DOK5: variants seen among roughly 807,000 people sequenced by gnomAD.
The protein encoded by DOK5 is downstream of tyrosine kinase 5.
DOK5 carries 27 observed loss-of-function variants against 43.3 expected under a neutral mutation model. That is an observed-to-expected ratio of 0.62 (90% CI 0.46 to 0.86). The LOEUF is 0.86. Ranked by LOEUF, DOK5 falls within the 40% of genes least tolerant of loss-of-function variation. DOK5 has a pLI of 0.00. For missense variants in DOK5, 373 were observed against 392.9 expected (o/e 0.95, Z 0.43); for synonymous variants, 146 against 140.1 (o/e 1.04, Z -0.30).
Position 54,475,898 on chromosome 20 carries a change from A to T in DOK5, c.-49A>T. 6.2e-7 allele frequency: 1 copy of T among 1,605,632 alleles called. No individual in the cohort carries two copies. Among genetic ancestry groups the T allele is most frequent in the Non-Finnish European group, 8.5e-7 (1 of 1,176,286 alleles). On this transcript the variant is annotated 5_prime_UTR_variant, in exon 1 of 8. Coordinates refer to ENST00000262593, the MANE Select transcript of DOK5 (RefSeq NM_018431.5). This position sits in a 1 kb window ranked among gnomAD's most constrained non-coding sequence, Gnocchi z 4.2. ...CCTGCCCTCCACCCTCCCCAGAGCC[A>T]CTTCGGGTGCGCGCTCTTGGGTAAA...
intron 1 of DOK5, 55 bp downstream of exon 1, chr20:54,476,067 G>C: frequency 6.2e-7 from 1 of 1,604,052 alleles, no homozygotes; most frequent in East Asian, 2.2e-5. Flanking sequence ...TCTCTCTCTT[G>C]AGCCAGCATC....
chr20:54,538,920 C>G (rs1984045494), intron 1 of DOK5, among the ~76,000 whole-genome samples: 1 of 152,148 alleles, frequency 6.6e-6, no homozygotes, highest in South Asian at 2.1e-4. Flanking sequence ...ATGAAAAAAG[C>G]CAAATCGAAA....
At chr20:54,489,631 T>C (rs902024211) in intron 1 of DOK5, among the ~76,000 whole-genome samples, 4 of 152,198 alleles carry the variant, frequency 2.6e-5, no homozygotes. Context: ...GTAGGTGTTA[T>C]TTTATGCCCA....
chr20:54,476,370 C>A (rs1981426739), intron 1 of DOK5, among the ~76,000 whole-genome samples: 1 of 152,150 alleles, frequency 6.6e-6, no homozygotes, highest in African/African-American at 2.4e-5. Context: ...CCTCTTTTCC[C>A]ACTCGCCGCC....
intron 6 of DOK5, among the ~76,000 whole-genome samples, chr20:54,617,184 A>G (rs555059870): frequency 5.9e-5 from 9 of 152,294 alleles, no homozygotes; most frequent in African/African-American, 2.2e-4. Context: ...GCTGTTGGAC[A>G]GAGGCCACTC....
At chr20:54,528,682 C>T (rs774558788) in intron 1 of DOK5, among the ~76,000 whole-genome samples, 4 of 152,098 alleles carry the variant, frequency 2.6e-5, no homozygotes, top group Admixed American at 6.6e-5. Flanking sequence ...GGCACATTGC[C>T]GAGGGTTTTG....
chr20:54,531,114 A>G (rs1600683683), intron 1 of DOK5, among the ~76,000 whole-genome samples: 1 of 152,216 alleles, frequency 6.6e-6, no homozygotes, highest in East Asian at 1.9e-4. Context: ...GTTATTCACA[A>G]CTTACCAAGC....
At chr20:54,614,005 C>A (rs1986729032) in intron 6 of DOK5, among the ~76,000 whole-genome samples, 1 of 149,252 alleles carries the variant, frequency 6.7e-6, no homozygotes, top group Non-Finnish European at 1.5e-5. Context: ...AATATATATA[C>A]ATATATATAT....
intron 1 of DOK5, among the ~76,000 whole-genome samples, chr20:54,541,319 G>T (rs1324950270): frequency 2.0e-5 from 3 of 152,136 alleles, no homozygotes; most frequent in Non-Finnish European, 4.4e-5. Context: ...TCCCCGACCT[G>T]CGCCTTTCCT....
chr20:54,580,171 GA>G (rs1985592206), intron 2 of DOK5, among the ~76,000 whole-genome samples: 1 of 151,990 alleles, frequency 6.6e-6, no homozygotes, highest in South Asian at 2.1e-4. Context: ...AACTTTACAA[GA>G]AAAAAACAAG....
intron 2 of DOK5, among the ~76,000 whole-genome samples, chr20:54,564,512 T>C (rs1005586163): frequency 1.3e-5 from 2 of 152,184 alleles, no homozygotes; most frequent in African/African-American, 2.4e-5. Flanking sequence ...CAAGGACAAA[T>C]TTGTGTCTAT....
At chr20:54,486,518 A>G (rs1161179550) in intron 1 of DOK5, among the ~76,000 whole-genome samples, 4 of 152,092 alleles carry the variant, frequency 2.6e-5, no homozygotes, top group Non-Finnish European at 2.9e-5. Flanking sequence ...AATAATGTCT[A>G]TAACTACTAG....
intron 6 of DOK5, among the ~76,000 whole-genome samples, chr20:54,614,090 C>CA (rs1986731877): frequency 6.6e-6 from 1 of 151,292 alleles, no homozygotes. Context: ...AAAACAACAA[C>CA]AAAAAACCTG....
At chr20:54,521,560 G>A (rs565677898) in intron 1 of DOK5, among the ~76,000 whole-genome samples, 37 of 152,320 alleles carry the variant, frequency 2.4e-4, no homozygotes, top group Admixed American at 1.1e-3. Flanking sequence ...GGGGTGTGAT[G>A]TGAGGAGCTT....
In DOK5 at chr20:54,610,513, A is replaced by C; in HGVS notation, c.725A>C (p.Lys242Thr). The change falls in exon 6 of 8, where the codon AAA becomes ACA. Residue 242 changes from lysine to threonine, a missense_variant. Physicochemically the swap from Lys to Thr is moderately conservative, Grantham distance 78. Transcript: ENST00000262593. ...EQHERLLQSV[K>T]NSMLQMKMSE... ...CACGAGCGCTTGCTACAGAGTGTGA[A>C]AAACTCGATGGTACGTTTGGAATTT... The C allele has an allele frequency of 2.0e-6, 3 of 1,507,866 alleles. No homozygotes were observed. Among genetic ancestry groups the C allele is most frequent in the Non-Finnish European group, 2.7e-6 (3 of 1,125,030 alleles). The allele number at this position is 1,507,866 out of a possible 1,614,324, so 93.4% of individuals were successfully genotyped here. A position where few individuals can be genotyped will look rare whatever the true frequency, so the allele number is the denominator to read the frequency against.
intron 2 of DOK5, among the ~76,000 whole-genome samples, chr20:54,564,099 G>C (rs1454505912): frequency 1.3e-5 from 2 of 152,086 alleles, no homozygotes; most frequent in African/African-American, 4.8e-5. Context: ...CATTCATTGT[G>C]ATGAAAACAT....
chr20:54,521,225 T>C (rs1983383123), intron 1 of DOK5, among the ~76,000 whole-genome samples: 1 of 152,108 alleles, frequency 6.6e-6, no homozygotes, highest in Non-Finnish European at 1.5e-5. Context: ...ACATTTGCTG[T>C]TCTCTTTTTC....
chr20:54,528,113 C>T (rs1983639690), intron 1 of DOK5, among the ~76,000 whole-genome samples: 2 of 152,088 alleles, frequency 1.3e-5, no homozygotes, highest in African/African-American at 4.8e-5. Flanking sequence ...GAGGCTGAGG[C>T]AGGAGAATCA....
At chr20:54,499,135 GTT>G (rs1303426286) in intron 1 of DOK5, among the ~76,000 whole-genome samples, 11 of 152,212 alleles carry the variant, frequency 7.2e-5, no homozygotes, top group African/African-American at 2.7e-4. Flanking sequence ...ACTTGGGAAT[GTT>G]TAATTAATTC....
Sources: gnomAD v4.1 joint callset for allele counts (sites outside exome capture counted in the v4.1 genomes callset) on GRCh38, gnomAD v4.1.1 for gene constraint, Gnocchi (gnomAD v3.1) non-coding constraint, MANE v1.5 for transcripts, NCBI Gene and HGNC (gene_info 2026-07-23, HGNC 2026-07-21) for gene names.